Variants in DACH2 observed in about 807,000 individuals in gnomAD.
DACH2 encodes dachshund homolog 2.
DACH2 carries 17 observed loss-of-function variants against 35.8 expected under a neutral mutation model. The observed-to-expected ratio is 0.48, with a 90% CI of 0.33 to 0.71. The LOEUF (loss-of-function observed/expected upper bound fraction) is 0.71. Among genes scored for constraint, DACH2 ranks in the 30% least tolerant of loss-of-function variants. The pLI is 0.02. For missense variants in DACH2, 469 were observed against 472.7 expected (o/e 0.99, Z 0.07); for synonymous variants, 195 against 177.3 (o/e 1.10, Z -0.79).
At chrX:86,775,398 C>T (rs1249380318) in intron 7 of DACH2, among the ~76,000 whole-genome samples, 1 of 111,161 alleles carries the variant, frequency 9.0e-6, no homozygotes, top group Non-Finnish European at 1.9e-5. Flanking sequence ...AGATCAGAAG[C>T]GACATTAGAT....
Position 86,429,544 on chromosome X carries a change from C to CTTTTG in DACH2, c.527+52686_527+52687insGTTTT, listed in dbSNP as rs1330619299. On this transcript the variant is annotated intron_variant, in intron 2 of 11. Coordinates refer to ENST00000373125, the MANE Select transcript of DACH2 (RefSeq NM_053281.3). ...GACTTTTCTAGAGTGCATTTCTTTT[C>CTTTTG]TTTTCTTTTCTTTTCTTTTCTTTTC... is the stretch of plus-strand genomic sequence containing the variant. Among the ~76,000 whole-genome samples, 595 of 106,467 alleles carry CTTTTG rather than the reference C, an allele frequency of 5.6e-3. 15 individuals carry two copies. Among genetic ancestry groups the CTTTTG allele is most frequent in the Admixed American group, 0.045 (440 of 9,854 alleles). The allele number at this position is 106,467 out of a possible 115,157, so 92.5% of individuals were successfully genotyped here. A position where few individuals can be genotyped will look rare whatever the true frequency, so the allele number is the denominator to read the frequency against.
At chrX:86,738,221 G>A (rs2041616640) in intron 6 of DACH2, among the ~76,000 whole-genome samples, 1 of 111,780 alleles carries the variant, frequency 8.9e-6, no homozygotes, top group Non-Finnish European at 1.9e-5. Context: ...ATTAAGATGT[G>A]GAGTGGAGAT....
chrX:86,309,679 G>A (rs983778149), intron 1 of DACH2, among the ~76,000 whole-genome samples: 12 of 111,956 alleles, frequency 1.1e-4, no homozygotes, highest in African/African-American at 3.2e-4. Context: ...AAATTTCTAG[G>A]GGTTCTGTGG....
At chrX:86,556,899 T>C (rs1263475965) in intron 3 of DACH2, among the ~76,000 whole-genome samples, 4 of 104,659 alleles carry the variant, frequency 3.8e-5, no homozygotes, top group Non-Finnish European at 7.8e-5. Flanking sequence ...ATATGCTGTC[T>C]GCAAGCTAGA....
chrX:86,526,838 C>G (rs1400072867), intron 3 of DACH2, among the ~76,000 whole-genome samples: 1 of 78,624 alleles, frequency 1.3e-5, no homozygotes, highest in Non-Finnish European at 2.5e-5. Flanking sequence ...CAGTTATACT[C>G]TGACTTAATT....
At chrX:86,378,927 T>C (rs1304609774) in intron 2 of DACH2, among the ~76,000 whole-genome samples, 1 of 111,229 alleles carries the variant, frequency 9.0e-6, no homozygotes, top group Non-Finnish European at 1.9e-5. Context: ...TAGTTTTTCC[T>C]TCAAGTGATT....
At chrX:86,173,769 A>T (rs1396953737) in intron 1 of DACH2, among the ~76,000 whole-genome samples, 1 of 112,016 alleles carries the variant, frequency 8.9e-6, no homozygotes, top group Non-Finnish European at 1.9e-5. Context: ...GTATAAGAGG[A>T]TCTGACTTAG....
At chrX:86,795,436 T>A (rs1248906765) in intron 7 of DACH2, among the ~76,000 whole-genome samples, 1 of 109,643 alleles carries the variant, frequency 9.1e-6, no homozygotes, top group Non-Finnish European at 1.9e-5. Context: ...GGTTTCACCA[T>A]GTTAGCCAGG....
intron 4 of DACH2, among the ~76,000 whole-genome samples, chrX:86,693,813 T>C (rs1323312276): frequency 9.0e-6 from 1 of 111,730 alleles, no homozygotes; most frequent in Non-Finnish European, 1.9e-5. Context: ...ATAGTGACAA[T>C]TGGAAGCAAT....
At chrX:86,256,346 G>A (rs1385986499) in intron 1 of DACH2, among the ~76,000 whole-genome samples, 1 of 111,328 alleles carries the variant, frequency 9.0e-6, no homozygotes, top group Non-Finnish European at 1.9e-5. Context: ...CTTCTGAAGA[G>A]AGACATGCCA....
intron 3 of DACH2, among the ~76,000 whole-genome samples, chrX:86,574,640 T>G (rs1016372315): frequency 8.9e-6 from 1 of 111,750 alleles, no homozygotes; most frequent in Non-Finnish European, 1.9e-5. Context: ...TTTAAAACTT[T>G]AAGTATTTTA....
intron 7 of DACH2, among the ~76,000 whole-genome samples, chrX:86,783,800 T>C (rs2042111297): frequency 9.0e-6 from 1 of 111,174 alleles, no homozygotes; most frequent in African/African-American, 3.3e-5. Context: ...ATTGAACTCA[T>C]AGACATACAG....
intron 2 of DACH2, among the ~76,000 whole-genome samples, chrX:86,420,555 T>A (rs2036785116): frequency 9.0e-6 from 1 of 111,648 alleles, no homozygotes; most frequent in African/African-American, 3.3e-5. Flanking sequence ...AGAACACATT[T>A]ATATGAATAA....
rs1461212746 is a variant in DACH2 at position 86,587,699 on chromosome X, T to TGCCCA, written c.641-63337_641-63336insGCCCA. ...ATGTCTTCCTTTGAAAAGTGTCTGT[T>TGCCCA]TATGTCCTTTGCCCATTTATAAATG... is the stretch of plus-strand genomic sequence containing the variant. On this transcript the variant is annotated intron_variant, in intron 3 of 11. Transcript: ENST00000373125. 4.5e-5 allele frequency among the ~76,000 whole-genome samples: 5 copies of TGCCCA among 111,907 alleles called. No individual in the cohort carries two copies. In the South Asian group the frequency reaches 1.5e-3, roughly 33 times the overall value.
intron 2 of DACH2, among the ~76,000 whole-genome samples, chrX:86,495,928 G>A (rs1418142848): frequency 9.0e-6 from 1 of 111,088 alleles, no homozygotes; most frequent in African/African-American, 3.3e-5. Flanking sequence ...TGTTACAATA[G>A]GTACAATAAT....
chrX:86,725,209 C>T (rs2041452676), intron 6 of DACH2, among the ~76,000 whole-genome samples: 1 of 110,934 alleles, frequency 9.0e-6, no homozygotes, highest in Admixed American at 9.6e-5. Flanking sequence ...CATTTCTTTT[C>T]CTGAACAATT....
intron 3 of DACH2, among the ~76,000 whole-genome samples, chrX:86,518,080 G>A (rs1456876804): frequency 1.8e-5 from 2 of 112,232 alleles, no homozygotes; most frequent in African/African-American, 3.2e-5. Context: ...TGTATATGGT[G>A]TAAGGAAGGG....
chrX:86,294,244 G>A (rs2034386788), intron 1 of DACH2, among the ~76,000 whole-genome samples: 4 of 111,188 alleles, frequency 3.6e-5, no homozygotes, highest in African/African-American at 9.8e-5. Context: ...CATTCTTCAC[G>A]TAGTTCTCGA....
intron 1 of DACH2, among the ~76,000 whole-genome samples, chrX:86,322,773 TAGG>T (rs1470178175): frequency 8.9e-6 from 1 of 112,272 alleles, no homozygotes; most frequent in Non-Finnish European, 1.9e-5. Context: ...AATTTATTCT[TAGG>T]TGGTGGTTCC....
Sources: allele counts gnomAD v4.1 joint callset (sites outside exome capture counted in the v4.1 genomes callset), GRCh38; gene constraint gnomAD v4.1.1; transcripts MANE v1.5; gene names NCBI Gene and HGNC (gene_info 2026-07-23, HGNC 2026-07-21).